SEC14L5: variants seen among roughly 807,000 people sequenced by gnomAD.
The protein encoded by SEC14L5 is SEC14 like lipid binding 5, also known as SEC14-like protein 5.
A neutral mutation model predicts 84.6 loss-of-function variants in SEC14L5; 96 were observed. The ratio of observed to expected loss-of-function variants is 1.13; its 90% CI spans 0.96 to 1.34. The LOEUF is 1.34. Among genes scored for constraint, SEC14L5 ranks in the 40% most tolerant of loss-of-function variants. The pLI is 0.00. For missense variants in SEC14L5, 1,224 were observed against 942.5 expected (o/e 1.30, Z -3.91); for synonymous variants, 546 against 383.4 (o/e 1.42, Z -4.95).
chr16:4,981,185 C>T (rs1351902676), intron 2 of SEC14L5, among the ~76,000 whole-genome samples: 2 of 151,002 alleles, frequency 1.3e-5, no homozygotes, highest in Non-Finnish European at 2.9e-5. Flanking sequence ...GGTGCGATCT[C>T]CACTCACTGC....
chr16:4,979,306 C>T (rs1955390370), intron 2 of SEC14L5, among the ~76,000 whole-genome samples: 1 of 152,120 alleles, frequency 6.6e-6, no homozygotes, highest in African/African-American at 2.4e-5. Flanking sequence ...GTGCACCAAC[C>T]CCATGGTCTG....
intron 8 of SEC14L5, 46 bp from the exon 9 acceptor site, chr16:5,000,609 C>G (rs1187998289): frequency 1.6e-5 from 23 of 1,433,840 alleles, no homozygotes; most frequent in Non-Finnish European, 1.7e-5. Flanking sequence ...CGGAAGCAGT[C>G]CTCTAAATAA....
intron 10 of SEC14L5, among the ~76,000 whole-genome samples, chr16:5,002,406 C>G (rs779478252): frequency 1.4e-4 from 21 of 150,662 alleles, no homozygotes; most frequent in African/African-American, 4.6e-4. Context: ...AAGTGATTCT[C>G]GTGCCTCAGC....
chr16:4,983,073 G>A (rs888648348), intron 2 of SEC14L5, among the ~76,000 whole-genome samples: 9 of 152,044 alleles, frequency 5.9e-5, no homozygotes, highest in African/African-American at 1.7e-4. Context: ...CACGATCTCC[G>A]CTTACTGTAA....
In SEC14L5 at chr16:5,011,241, C is replaced by G; in HGVS notation, c.1947C>G (p.Tyr649Ter). ...CCGGGCCCAAGTGCAAACTTCTCTACTACTGTGAGGTGCTCGCCTCTGAGG... is the reference window on the plus strand; with the variant it reads ...CCGGGCCCAAGTGCAAACTTCTCTAGTACTGTGAGGTGCTCGCCTCTGAGG... ...HSPGPKCKLL[Y>*]YCEVLASEDF... Residue 649 changes from tyrosine to a stop codon, truncating the protein, a stop_gained, in exon 15 of 16, where the codon TAC becomes TAG. Transcript: ENST00000251170. LOFTEE classifies it high-confidence loss of function. 1 of 1,613,896 alleles carries G rather than the reference C, an allele frequency of 6.2e-7. No homozygotes were observed. The highest frequency in any genetic ancestry group is 8.5e-7 in the Non-Finnish European group (1 of 1,179,884).
chr16:4,987,098 A>T (rs931968242), intron 2 of SEC14L5, among the ~76,000 whole-genome samples: 2 of 151,852 alleles, frequency 1.3e-5, no homozygotes, highest in Admixed American at 1.3e-4. Context: ...CTTGTTCCTG[A>T]TTTTAGGGGA....
intron 2 of SEC14L5, among the ~76,000 whole-genome samples, chr16:4,965,404 G>A (rs1249061096): frequency 3.3e-5 from 5 of 152,158 alleles, no homozygotes; most frequent in Non-Finnish European, 7.3e-5. Context: ...GCTCACGCCT[G>A]TAATCCCAGC....
intron 2 of SEC14L5, among the ~76,000 whole-genome samples, chr16:4,977,446 C>CAAAAAAAAAAAAAAAAAAAAAAA (rs762657125): frequency 7.6e-5 from 5 of 66,144 alleles, no homozygotes; most frequent in Non-Finnish European, 7.6e-5. Flanking sequence ...GACTCCGTCT[C>CAAAAAAAAAAAAAAAAAAAAAAA]AAAAAAAAAA....
chr16:4,995,387 G>T (rs1955598091), intron 6 of SEC14L5, among the ~76,000 whole-genome samples: 1 of 152,312 alleles, frequency 6.6e-6, no homozygotes, highest in African/African-American at 2.4e-5. Flanking sequence ...AGGCTGCACA[G>T]TGGGAATGTT....
At chr16:4,969,454 G>C (rs1057010580) in intron 2 of SEC14L5, among the ~76,000 whole-genome samples, 3 of 151,240 alleles carry the variant, frequency 2.0e-5, no homozygotes, top group African/African-American at 7.3e-5. Flanking sequence ...GTGCCATCTC[G>C]CGCATGGCAA....
At position 4,987,672 on chromosome 16, in the gene SEC14L5, GGCT is replaced by G; in HGVS notation, c.182_184del (p.Leu61del). 1 of 1,542,684 alleles carries G rather than the reference GGCT, an allele frequency of 6.5e-7. No individual in the cohort carries two copies. The highest frequency in any genetic ancestry group is 8.7e-7 in the Non-Finnish European group (1 of 1,147,008). On this transcript the variant is annotated inframe_deletion, in exon 3 of 16. Coordinates refer to ENST00000251170, the MANE Select transcript of SEC14L5 (RefSeq NM_014692.2). ...GTGCACGTGGTGGAGCGGAGCTGCC[GGCT>G]GCGCGTGGACGCCCCGCGGCTGCTG...
chr16:4,959,351 C>G lies in SEC14L5; in HGVS notation c.28C>G (p.Arg10Gly). The change falls in exon 2 of 16, where the codon CGA (arginine) becomes GGA (glycine). Residue 10 changes from arginine to glycine, a missense_variant. Arg to Gly is a moderately radical substitution (Grantham distance 125, BLOSUM62 -2). Transcript: ENST00000251170. ...GGTGCAAAGATACCAGTCTCCTGTC[C>G]GAGTCTACAAGTACCCGTTTGAGCT... Reference protein sequence around the residue: MVQRYQSPVRVYKYPFELVM... With the variant: MVQRYQSPVGVYKYPFELVM... 6.2e-7 allele frequency: 1 copy of G among 1,613,774 alleles called. No homozygotes were observed. The highest frequency in any genetic ancestry group is 1.7e-5 in the Admixed American group (1 of 59,992).
At chr16:4,959,585 C>T (rs1427090857) in intron 2 of SEC14L5, among the ~76,000 whole-genome samples, 199 bp downstream of exon 2, 3 of 152,168 alleles carry the variant, frequency 2.0e-5, no homozygotes, top group Non-Finnish European at 2.9e-5. Flanking sequence ...GACCAAAACA[C>T]AAAGTCTTTC....
intron 15 of SEC14L5, among the ~76,000 whole-genome samples, chr16:5,012,801 A>T (rs1955820636): frequency 6.6e-6 from 1 of 152,144 alleles, no homozygotes. Context: ...AGGCTGAAGC[A>T]GGAGAATGCC....
chr16:4,971,742 CT>C (rs373581140), intron 2 of SEC14L5, among the ~76,000 whole-genome samples: 3 of 152,332 alleles, frequency 2.0e-5, no homozygotes, highest in African/African-American at 7.2e-5. Flanking sequence ...GTGACTTAAT[CT>C]CCCAGGGATA....
intron 2 of SEC14L5, among the ~76,000 whole-genome samples, chr16:4,981,537 C>G (rs1381143979): frequency 6.6e-6 from 1 of 152,058 alleles, no homozygotes; most frequent in Non-Finnish European, 1.5e-5. Flanking sequence ...TGGCAGGATT[C>G]TGAAGGACAG....
chr16:5,002,967 A>T (rs948326671), intron 10 of SEC14L5, among the ~76,000 whole-genome samples: 2 of 152,238 alleles, frequency 1.3e-5, no homozygotes, highest in African/African-American at 2.4e-5. Flanking sequence ...AGTAGGATAG[A>T]AATAACTCCC....
At chr16:4,998,531 G>A (rs1352657290) in intron 8 of SEC14L5, among the ~76,000 whole-genome samples, 1 of 149,550 alleles carries the variant, frequency 6.7e-6, no homozygotes, top group African/African-American at 2.4e-5. Flanking sequence ...GAGGTCAGGA[G>A]ATCGAGACCA....
chr16:4,961,438 C>T (rs890227727), intron 2 of SEC14L5, among the ~76,000 whole-genome samples: 4 of 152,168 alleles, frequency 2.6e-5, no homozygotes, highest in African/African-American at 7.2e-5. Context: ...AAGCCATTCT[C>T]GTGCCTCAGC....
Sources: gnomAD v4.1 joint callset for allele counts (sites outside exome capture counted in the v4.1 genomes callset) on GRCh38, gnomAD v4.1.1 for gene constraint, MANE v1.5 for transcripts, NCBI Gene and HGNC (gene_info 2026-07-23, HGNC 2026-07-21) for gene names.